The following KANSL1 variants were observed in gnomAD, a reference collection of about 807,000 sequenced individuals.
KANSL1 encodes KAT8 regulatory NSL complex subunit 1.
A neutral mutation model predicts 103.6 loss-of-function variants in KANSL1; 22 were observed. The observed-to-expected ratio is 0.21, with a 90% CI of 0.15 to 0.30. The LOEUF (loss-of-function observed/expected upper bound fraction) is 0.30. Ranked by LOEUF, KANSL1 falls within the 10% of genes least tolerant of loss-of-function variation. The probability of loss-of-function intolerance (pLI) is 1.00; values close to 1 mark genes in which losing one functional copy is unlikely to be tolerated. For missense variants in KANSL1, 1,337 were observed against 1,399.8 expected, an observed-to-expected ratio of 0.96 and a Z score of 0.72; for synonymous variants, 600 against 527.6, an observed-to-expected ratio of 1.14 and a Z score of -1.88.
At chr17:46,060,601 G>A (rs959665766) in intron 6 of KANSL1, among the ~76,000 whole-genome samples, 27 of 152,112 alleles carry the variant, frequency 1.8e-4, no homozygotes, top group Admixed American at 3.9e-4. Context: ...GAAAAAGTTG[G>A]TTGGGCCTCC....
chr17:46,168,023 C>G (rs2046091573), intron 2 of KANSL1, among the ~76,000 whole-genome samples: 1 of 152,242 alleles, frequency 6.6e-6, no homozygotes, highest in Non-Finnish European at 1.5e-5. Flanking sequence ...ACCACTCTAT[C>G]TTGGGCAAAA....
intron 1 of KANSL1, among the ~76,000 whole-genome samples, chr17:46,175,533 G>A (rs1209477908): frequency 1.3e-5 from 2 of 152,026 alleles, no homozygotes; most frequent in Non-Finnish European, 2.9e-5. Flanking sequence ...TATTTTTAAT[G>A]GAGATGGAGT....
intron 2 of KANSL1, among the ~76,000 whole-genome samples, chr17:46,151,396 C>A (rs1372743193): frequency 6.6e-6 from 1 of 152,236 alleles, no homozygotes; most frequent in African/African-American, 2.4e-5. Context: ...ACACTTCATA[C>A]AGATCTCATT....
At chr17:46,069,752 AAAACAAAACAAAAAAC>A (rs1467349139) in intron 4 of KANSL1, among the ~76,000 whole-genome samples, 1 of 152,174 alleles carries the variant, frequency 6.6e-6, no homozygotes, top group African/African-American at 2.4e-5. Context: ...TCTCCAAAAC[AAAACAAAACAAAAAAC>A]AAACAAAAAC....
intron 2 of KANSL1, among the ~76,000 whole-genome samples, chr17:46,164,403 C>T (rs560113375): frequency 6.6e-6 from 1 of 152,370 alleles, no homozygotes; most frequent in South Asian, 2.1e-4. Context: ...CAAGTTCCTA[C>T]TTCTGCCACT....
Position 46,115,922 on chromosome 17 carries a change from T to C in KANSL1, c.1290-21221A>G, listed in dbSNP as rs868303810. On this transcript the variant is annotated intron_variant, in intron 2 of 14. Coordinates refer to ENST00000432791, the MANE Select transcript of KANSL1 (RefSeq NM_015443.4). ...AAGTTATCACCACAGTAGTTACCAA[T>C]GTGACAAAGCAGAGGATAAGGAGCA... Among the ~76,000 whole-genome samples, 26 of 152,304 alleles carry C rather than the reference T, an allele frequency of 1.7e-4. 1 individual carries two copies. In the South Asian group the frequency reaches 3.3e-3, roughly 19 times the overall value.
chr17:46,091,685 A>G (rs1208764064), intron 3 of KANSL1, among the ~76,000 whole-genome samples: 1 of 152,200 alleles, frequency 6.6e-6, no homozygotes, highest in Admixed American at 6.5e-5. Flanking sequence ...AATTGCCTAC[A>G]GTATTCAGTA....
At chr17:46,040,295 C>G (rs2077272598) in intron 7 of KANSL1, 1 of 197,342 alleles carries the variant, frequency 5.1e-6, no homozygotes, top group Admixed American at 5.4e-5. Flanking sequence ...TCTATGTTAT[C>G]AGGCACTGTA....
intron 3 of KANSL1, among the ~76,000 whole-genome samples, chr17:46,083,294 G>A (rs2079046984): frequency 6.6e-6 from 1 of 151,942 alleles, no homozygotes; most frequent in Non-Finnish European, 1.5e-5. Context: ...TACCAGAAGA[G>A]GTGACAAAAA....
chr17:46,167,281 A>G (rs940301736), intron 2 of KANSL1, among the ~76,000 whole-genome samples: 2 of 152,234 alleles, frequency 1.3e-5, no homozygotes, highest in African/African-American at 4.8e-5. Context: ...GGAAAAAAAA[A>G]CAACTCTAAG....
At chr17:46,121,065 T>A (rs2043257774) in intron 2 of KANSL1, among the ~76,000 whole-genome samples, 1 of 152,160 alleles carries the variant, frequency 6.6e-6, no homozygotes, top group African/African-American at 2.4e-5. Context: ...AAATCCTACC[T>A]GCTCTAACTT....
chr17:46,139,636 G>C (rs2044321553), intron 2 of KANSL1, among the ~76,000 whole-genome samples: 1 of 152,234 alleles, frequency 6.6e-6, no homozygotes. Context: ...ACCTCGGGAA[G>C]TCAATCATTA....
chr17:46,202,573 G>A (rs1452610440), intron 1 of KANSL1, among the ~76,000 whole-genome samples: 1 of 152,142 alleles, frequency 6.6e-6, no homozygotes, highest in Non-Finnish European at 1.5e-5. Flanking sequence ...AATCCTTCCA[G>A]GCAGAAGATA....
chr17:46,180,019 G>A (rs372436188), intron 1 of KANSL1, among the ~76,000 whole-genome samples: 4 of 151,688 alleles, frequency 2.6e-5, no homozygotes, highest in South Asian at 2.1e-4. Flanking sequence ...AGCTGAGATC[G>A]GGCCACTGCA....
intron 2 of KANSL1, among the ~76,000 whole-genome samples, chr17:46,167,381 T>C (rs2046059014): frequency 6.6e-6 from 1 of 152,226 alleles, no homozygotes; most frequent in Admixed American, 6.5e-5. Flanking sequence ...CTTTTATTTC[T>C]ACATCTACAA....
At chr17:46,100,444 C>CCCAAAAA (rs1555763353) in intron 2 of KANSL1, among the ~76,000 whole-genome samples, 1 of 88,264 alleles carries the variant, frequency 1.1e-5, no homozygotes, top group African/African-American at 4.2e-5. Flanking sequence ...TCCCTCTCCC[C>CCCAAAAA]AAAAAAAAAA....
intron 12 of KANSL1, 36 bp from the exon 13 acceptor site, chr17:46,033,228 TC>T (rs757277545): frequency 4.2e-5 from 65 of 1,535,968 alleles, no homozygotes; most frequent in Non-Finnish European, 5.7e-5. Context: ...CCCTCTTTTC[TC>T]CAGGAGTTAA....
chr17:46,122,713 C>A (rs1399775854), intron 2 of KANSL1, among the ~76,000 whole-genome samples: 1 of 152,216 alleles, frequency 6.6e-6, no homozygotes, highest in East Asian at 1.9e-4. Context: ...GTCCATGTGA[C>A]ACATTTGGGT....
At chr17:46,089,239 T>C (rs766920094) in intron 3 of KANSL1, among the ~76,000 whole-genome samples, 1 of 152,138 alleles carries the variant, frequency 6.6e-6, no homozygotes, top group Non-Finnish European at 1.5e-5. Context: ...GCAGAAGTAG[T>C]ACAGAGGAGT....
Sources: allele counts gnomAD v4.1 joint callset (sites outside exome capture counted in the v4.1 genomes callset), GRCh38; gene constraint gnomAD v4.1.1; transcripts MANE v1.5; gene names NCBI Gene and HGNC (gene_info 2026-07-23, HGNC 2026-07-21).